Variants in SLC39A10 observed in about 807,000 individuals in gnomAD.
SLC39A10 encodes the protein solute carrier family 39 member 10.
SLC39A10 carries 13 observed loss-of-function variants against 65.1 expected under a neutral mutation model. That is an observed-to-expected ratio of 0.20 (90% CI 0.13 to 0.32). SLC39A10 has a LOEUF of 0.32. Among genes scored for constraint, SLC39A10 ranks in the 10% least tolerant of loss-of-function variants. The pLI, the probability that SLC39A10 is intolerant of heterozygous loss-of-function variation, is 1.00. For missense variants in SLC39A10, 831 were observed against 1,018.4 expected, an observed-to-expected ratio of 0.82 and a Z score of 2.50; for synonymous variants, 321 against 342.2, an observed-to-expected ratio of 0.94 and a Z score of 0.68.
At chr2:195,663,184 G>A (rs779668671) in intron 1 of SLC39A10, among the ~76,000 whole-genome samples, 16 of 152,034 alleles carry the variant, frequency 1.1e-4, no homozygotes, top group Non-Finnish European at 1.5e-4. Context: ...TTTTTATGCC[G>A]CCTATGTCTC....
At chr2:195,723,186 A>G (rs552791098) in intron 8 of SLC39A10, among the ~76,000 whole-genome samples, 1 of 152,336 alleles carries the variant, frequency 6.6e-6, no homozygotes, top group South Asian at 2.1e-4. Flanking sequence ...TAGCAAACTC[A>G]CATCTCATTT....
chr2:195,676,184 C>T (rs1291822571), intron 1 of SLC39A10, among the ~76,000 whole-genome samples: 1 of 145,684 alleles, frequency 6.9e-6, no homozygotes, highest in Admixed American at 6.8e-5. Context: ...AAGCTTCCCC[C>T]TCCCCTGCCG....
chr2:195,680,423 C>A lies in SLC39A10; in HGVS notation c.381C>A (p.Asn127Lys). 6.2e-7 allele frequency: 1 copy of A among 1,614,080 alleles called. No homozygotes were observed. Among genetic ancestry groups the A allele is most frequent in the South Asian group, 1.1e-5 (1 of 91,062 alleles). ...AGGGAAAGCATTTTCACTCACATAA[C>A]CACCAGCATTCCCATAATCATTTAA... ...VQEGKHFHSHNHQHSHNHLNS... is the reference protein window; with the variant it reads ...VQEGKHFHSHKHQHSHNHLNS... The change falls in exon 2 of 10, where the codon AAC becomes AAA. Residue 127 changes from asparagine (N) to lysine (K), a missense_variant. Around this residue, in one of 4 missense-constraint regions of SLC39A10, gnomAD observed 446 missense variants for 499.2 expected, o/e 0.89. Transcript: ENST00000359634.
At chr2:195,661,305 A>G (rs1422452273) in intron 1 of SLC39A10, among the ~76,000 whole-genome samples, 1 of 152,132 alleles carries the variant, frequency 6.6e-6, no homozygotes, top group Non-Finnish European at 1.5e-5. Context: ...AGCTTTTTCT[A>G]AAATATCCAA....
chr2:195,678,450 C>T (rs906697954), intron 1 of SLC39A10, among the ~76,000 whole-genome samples: 2 of 151,766 alleles, frequency 1.3e-5, no homozygotes, highest in Admixed American at 1.3e-4. Context: ...CTCATTTTTT[C>T]ATTGGGTCGT....
At chr2:195,674,623 C>G in intron 1 of SLC39A10, 2 of 985,284 alleles carry the variant, frequency 2.0e-6, no homozygotes, top group Non-Finnish European at 2.4e-6. Context: ...TCTTATTCCC[C>G]CATGTTCTGT....
chr2:195,623,453 C>T (rs911883192), intron 2 of SLC39A10, among the ~76,000 whole-genome samples: 1 of 152,128 alleles, frequency 6.6e-6, no homozygotes, highest in Non-Finnish European at 1.5e-5. Context: ...CATTCTTGCA[C>T]TAGAAGTGCA....
intron 3 of SLC39A10, among the ~76,000 whole-genome samples, chr2:195,695,575 CAG>C (rs1353887169): frequency 6.6e-6 from 1 of 152,110 alleles, no homozygotes; most frequent in East Asian, 1.9e-4. Context: ...TTTGGTGTCT[CAG>C]GGAGCCTGCA....
intron 3 of SLC39A10, among the ~76,000 whole-genome samples, chr2:195,689,013 A>T (rs534893954): frequency 1.3e-5 from 2 of 152,106 alleles, no homozygotes; most frequent in Non-Finnish European, 2.9e-5. Context: ...CTTTTCTGTG[A>T]CTCCACCTCT....
intron 1 of SLC39A10, among the ~76,000 whole-genome samples, chr2:195,665,770 T>C (rs1689611650): frequency 6.6e-6 from 1 of 152,202 alleles, no homozygotes; most frequent in Non-Finnish European, 1.5e-5. Context: ...TTACCATGTC[T>C]CCAGATAACA....
intron 9 of SLC39A10, among the ~76,000 whole-genome samples, chr2:195,729,889 C>T (rs6760303): frequency 0.011 from 1,624 of 151,852 alleles, 25 homozygotes; most frequent in African/African-American, 0.037. Flanking sequence ...GACTCGACTC[C>T]CCAGGCTCAA....
chr2:195,662,759 G>A (rs1318816209), intron 1 of SLC39A10, among the ~76,000 whole-genome samples: 3 of 152,016 alleles, frequency 2.0e-5, no homozygotes, highest in African/African-American at 7.2e-5. Context: ...ATTAAATTTG[G>A]ATCAGCAAAC....
intron 2 of SLC39A10, among the ~76,000 whole-genome samples, chr2:195,629,072 A>T (rs536955662): frequency 1.4e-3 from 208 of 152,242 alleles, no homozygotes; most frequent in African/African-American, 4.5e-3. Flanking sequence ...CTCCATCCAC[A>T]TAGTTGTTTG....
At chr2:195,624,732 G>A (rs1241737086) in intron 2 of SLC39A10, among the ~76,000 whole-genome samples, 2 of 149,940 alleles carry the variant, frequency 1.3e-5, no homozygotes, top group Admixed American at 6.7e-5. Context: ...AATATTAGCC[G>A]GATGTGGTCG....
intron 2 of SLC39A10, among the ~76,000 whole-genome samples, chr2:195,620,247 G>A (rs962004370): frequency 2.0e-5 from 3 of 152,122 alleles, no homozygotes; most frequent in Admixed American, 2.0e-4. Flanking sequence ...TTAGACATTA[G>A]AATGCTGGAG....
intron 2 of SLC39A10, among the ~76,000 whole-genome samples, chr2:195,641,909 T>C (rs1169150641): frequency 6.6e-6 from 1 of 152,082 alleles, no homozygotes; most frequent in Non-Finnish European, 1.5e-5. Context: ...CCAGCCTGGT[T>C]TTGAACTCCT....
At position 195,735,215 on chromosome 2, in the gene SLC39A10, G is replaced by A. The variant is rs1574329000; in HGVS notation, c.*174G>A. On this transcript the variant is annotated 3_prime_UTR_variant, in exon 10 of 10. Coordinates refer to ENST00000359634, the MANE Select transcript of SLC39A10 (RefSeq NM_020342.3). ...GTGCTTAGTACTGTTTTCCCTGCAC[G>A]TAGGGGTCTTTTAAAAATATAAAGC... 1.4e-5 allele frequency: 7 copies of A among 491,522 alleles called. No homozygotes were observed. The highest frequency in any genetic ancestry group is 7.1e-5 in the East Asian group (2 of 28,300). 30.4% of individuals were successfully genotyped at this position (491,522 alleles called of 1,614,324 possible).
chr2:195,717,650 C>T (rs1381233137), intron 7 of SLC39A10, among the ~76,000 whole-genome samples: 1 of 151,894 alleles, frequency 6.6e-6, no homozygotes. Context: ...GAACTCCAGG[C>T]CTCAAGCAAC....
At chr2:195,664,472 A>G (rs1220214280) in intron 1 of SLC39A10, among the ~76,000 whole-genome samples, 2 of 152,202 alleles carry the variant, frequency 1.3e-5, no homozygotes, top group Admixed American at 6.5e-5. Flanking sequence ...GTTTCATTGC[A>G]TGTACATGAA....
Sources: gnomAD v4.1 joint callset for allele counts (sites outside exome capture counted in the v4.1 genomes callset) on GRCh38, gnomAD v4.1.1 for gene constraint, gnomAD v4.1.1 regional missense constraint, MANE v1.5 for transcripts, NCBI Gene and HGNC (gene_info 2026-07-23, HGNC 2026-07-21) for gene names.